TM7SF3: variants seen among roughly 807,000 people sequenced by gnomAD.
The protein encoded by TM7SF3 is transmembrane 7 superfamily member 3.
A neutral mutation model predicts 65.5 loss-of-function variants in TM7SF3; 60 were observed. The observed-to-expected ratio is 0.92, with a 90% CI of 0.74 to 1.14. The LOEUF (loss-of-function observed/expected upper bound fraction) is 1.14, where lower values mean the gene tolerates loss of function less well. Ranked by LOEUF, TM7SF3 falls within the 50% of genes most tolerant of loss-of-function variation. TM7SF3 has a pLI of 0.00. For missense variants in TM7SF3, 623 were observed against 684.8 expected (o/e 0.91, Z 1.01); for synonymous variants, 264 against 259.6 (o/e 1.02, Z -0.16).
At chr12:26,986,024 T>C (rs993037716) in intron 6 of TM7SF3, among the ~76,000 whole-genome samples, 3 of 151,098 alleles carry the variant, frequency 2.0e-5, no homozygotes, top group African/African-American at 7.3e-5. Flanking sequence ...GAGACGGGGT[T>C]TCACTGTGTT....
chr12:27,007,184 A>C (rs900236901), intron 1 of TM7SF3, among the ~76,000 whole-genome samples: 5 of 152,250 alleles, frequency 3.3e-5, no homozygotes, highest in Non-Finnish European at 7.3e-5. Flanking sequence ...AATTTCAGGA[A>C]TAATTACAAC....
At position 26,972,289 on chromosome 12, in the gene TM7SF3, C is replaced by G. The variant is rs951687100; in HGVS notation, c.*1676G>C. ...CATTCTCATCACTTTAAGGATGAAG[C>G]CTTTCTGTACAAAGGCTTTGTACAG... On this transcript the variant is annotated 3_prime_UTR_variant, in exon 12 of 12. Coordinates refer to ENST00000343028, the MANE Select transcript of TM7SF3 (RefSeq NM_016551.3). 4 of 151,802 alleles carry G rather than the reference C, an allele frequency of 2.6e-5. No homozygotes were observed. The highest frequency in any genetic ancestry group is 4.4e-5 in the Non-Finnish European group (3 of 68,034). The allele number at this position is 151,802 out of a possible 1,614,324, so 9.4% of individuals were successfully genotyped here.
intron 1 of TM7SF3, among the ~76,000 whole-genome samples, chr12:27,009,086 G>A (rs746128753): frequency 6.6e-6 from 1 of 152,200 alleles, no homozygotes; most frequent in Non-Finnish European, 1.5e-5. Context: ...GTGAACATAT[G>A]TGTTTGCTTC....
chr12:27,003,844 G>C (rs563484199), intron 1 of TM7SF3, among the ~76,000 whole-genome samples: 1 of 152,120 alleles, frequency 6.6e-6, no homozygotes, highest in East Asian at 1.9e-4. Context: ...ATTTAATACC[G>C]GTGTTTACCA....
At chr12:26,998,612 A>G (rs1212735466) in intron 3 of TM7SF3, among the ~76,000 whole-genome samples, 1 of 152,132 alleles carries the variant, frequency 6.6e-6, no homozygotes, top group African/African-American at 2.4e-5. Flanking sequence ...GTGTTGTATC[A>G]ATTCCACCTT....
intron 5 of TM7SF3, among the ~76,000 whole-genome samples, chr12:26,992,275 T>TATC (rs1324047300): frequency 6.6e-6 from 1 of 151,976 alleles, no homozygotes. Flanking sequence ...ATTTTTTTAT[T>TATC]ATTATTATTA....
chr12:26,992,827 T>C (rs1428471156), intron 5 of TM7SF3, among the ~76,000 whole-genome samples: 1 of 151,378 alleles, frequency 6.6e-6, no homozygotes, highest in African/African-American at 2.4e-5. Context: ...TATTCTCCTA[T>C]ATAACAATAC....
At chr12:26,985,906 C>T (rs1483543008) in intron 6 of TM7SF3, among the ~76,000 whole-genome samples, 4 of 148,642 alleles carry the variant, frequency 2.7e-5, no homozygotes, top group African/African-American at 4.9e-5. Flanking sequence ...CTCCGCCTCC[C>T]GGGTTCACAC....
chr12:26,985,652 A>AAAT (rs1565872267), intron 6 of TM7SF3, among the ~76,000 whole-genome samples: 6 of 39,114 alleles, frequency 1.5e-4, no homozygotes, highest in Non-Finnish European at 1.7e-4. Context: ...AAAAAAAAAA[A>AAAT]ATATATATAT....
At chr12:26,992,566 G>C (rs1286597411) in intron 5 of TM7SF3, among the ~76,000 whole-genome samples, 1 of 152,200 alleles carries the variant, frequency 6.6e-6, no homozygotes, top group South Asian at 2.1e-4. Flanking sequence ...TTACAGGCGT[G>C]AGCCACCATG....
intron 1 of TM7SF3, among the ~76,000 whole-genome samples, chr12:27,009,678 C>T (rs761539841): frequency 2.3e-4 from 35 of 152,266 alleles, no homozygotes; most frequent in Non-Finnish European, 3.7e-4. Flanking sequence ...GGATTACAGA[C>T]GGAACCACAG....
intron 6 of TM7SF3, among the ~76,000 whole-genome samples, chr12:26,986,506 A>G (rs1181365030): frequency 1.3e-5 from 2 of 152,008 alleles, no homozygotes; most frequent in Admixed American, 1.3e-4. Flanking sequence ...GCAAAATTCC[A>G]TCACAGTGGT....
Position 26,990,597 on chromosome 12 carries a change from T to C in TM7SF3, c.721A>G (p.Ser241Gly), listed in dbSNP as rs374937041. The change falls in exon 6 of 12, where the codon AGT (serine) becomes GGT (glycine). Residue 241 changes from serine to glycine, a missense_variant. Transcript: ENST00000343028. ...CCCGGGAGGGAGGAGAAGGAAACAC[T>C]TGTCTTATCATTAGCTGTTAGGGTA... ...VVTLTANDKT[S>G]VSFSSLPGQG... 12 of 1,613,986 alleles carry C rather than the reference T, an allele frequency of 7.4e-6. No homozygotes were observed. Among genetic ancestry groups the C allele is most frequent in the Non-Finnish European group, 9.3e-6 (11 of 1,179,876 alleles).
chr12:26,989,674 C>CAT (rs1328746156), intron 6 of TM7SF3, among the ~76,000 whole-genome samples: 3 of 151,808 alleles, frequency 2.0e-5, no homozygotes, highest in Admixed American at 6.6e-5. Context: ...TAAATACACA[C>CAT]ACACACACAC....
At chr12:26,991,755 CTATA>C (rs1229392827) in intron 5 of TM7SF3, among the ~76,000 whole-genome samples, 7 of 152,212 alleles carry the variant, frequency 4.6e-5, no homozygotes, top group African/African-American at 1.4e-4. Flanking sequence ...AATAAATAGA[CTATA>C]TACTGCCTAA....
chr12:26,973,993 G>A lies in TM7SF3; in HGVS notation c.1685C>T (p.Ala562Val). ...IKGLFQKEQPAGERTPLLL is the reference protein window; with the variant it reads ...IKGLFQKEQPVGERTPLLL The stretch of plus-strand genomic sequence containing the variant: ...CAGAAGCAAAGGCGTTCTCTCTCCA[G>A]CTGGCTGCTCCTTCTGGAAGAGCCC... Residue 562 changes from alanine to valine, a missense_variant, in exon 12 of 12, where the codon GCT becomes GTT. Coordinates refer to ENST00000343028, the MANE Select transcript of TM7SF3 (RefSeq NM_016551.3). The A allele has an allele frequency of 6.2e-7, 1 of 1,614,186 alleles. No individual in the cohort carries two copies. The highest frequency in any genetic ancestry group is 1.1e-5 in the South Asian group (1 of 91,082).
chr12:27,005,557 C>T (rs968453191), intron 1 of TM7SF3, among the ~76,000 whole-genome samples: 6 of 152,120 alleles, frequency 3.9e-5, no homozygotes, highest in Non-Finnish European at 5.9e-5. Context: ...TTTAAAAGCC[C>T]TGGAAGAGAC....
chr12:26,986,774 C>T (rs553648402), intron 6 of TM7SF3, among the ~76,000 whole-genome samples: 2 of 152,280 alleles, frequency 1.3e-5, no homozygotes, highest in South Asian at 4.1e-4. Context: ...AGTCAGGCGC[C>T]TACCCCACCT....
chr12:26,999,725 T>C (rs376686148), intron 2 of TM7SF3, 49 bp from the exon 3 acceptor site: 2 of 1,603,888 alleles, frequency 1.2e-6, no homozygotes, highest in East Asian at 2.2e-5. Flanking sequence ...GACCAAAACA[T>C]AAATTACTGA....
Sources: allele counts gnomAD v4.1 joint callset (sites outside exome capture counted in the v4.1 genomes callset), GRCh38; gene constraint gnomAD v4.1.1; transcripts MANE v1.5; gene names NCBI Gene and HGNC (gene_info 2026-07-23, HGNC 2026-07-21).